The following LRRTM4 variants were observed in gnomAD, a reference collection of about 807,000 sequenced individuals.
LRRTM4 encodes leucine-rich repeat transmembrane neuronal protein 4.
A neutral mutation model predicts 47.6 loss-of-function variants in LRRTM4; 25 were observed. The observed-to-expected ratio is 0.53, with a 90% CI of 0.38 to 0.73. LRRTM4 has a LOEUF of 0.73. LRRTM4 is among the 30% of genes least tolerant of loss of function. LRRTM4 has a pLI of 0.00. For synonymous variants in LRRTM4, 311 were observed against 269.5 expected (o/e 1.15, Z -1.51); for missense variants, 638 against 713.4 (o/e 0.89, Z 1.20).
At chr2:76,885,512 G>T (rs1411878447) in intron 3 of LRRTM4, among the ~76,000 whole-genome samples, 1 of 148,908 alleles carries the variant, frequency 6.7e-6, no homozygotes, top group Non-Finnish European at 1.5e-5. Flanking sequence ...GCCCAGGCTG[G>T]AGTGCAGTGG....
chr2:76,750,545 G>A lies in LRRTM4; in HGVS notation c.1552-1629C>T, dbSNP rs140299466. Reference sequence around the variant, plus strand: ...TCAGTCTCCCGACTGGACTATGTTTGAATCCTTCTGTATCTAAAAGTGCAG... The same window carrying A: ...TCAGTCTCCCGACTGGACTATGTTTAAATCCTTCTGTATCTAAAAGTGCAG... On this transcript the variant is annotated intron_variant, in intron 3 of 3. Transcript: ENST00000409884. Among the ~76,000 whole-genome samples, 415 of 152,246 alleles carry A rather than the reference G, an allele frequency of 2.7e-3. 1 individual carries two copies. Among genetic ancestry groups the A allele is most frequent in the Non-Finnish European group, 4.2e-3 (286 of 68,014 alleles).
chr2:76,849,358 A>G (rs1044266318), intron 3 of LRRTM4, among the ~76,000 whole-genome samples: 10 of 152,238 alleles, frequency 6.6e-5, no homozygotes, highest in Middle Eastern at 3.4e-3. Context: ...TTCTTGAAAA[A>G]TGAAATTTCT....
intron 3 of LRRTM4, among the ~76,000 whole-genome samples, chr2:77,316,548 C>T (rs1677623207): frequency 7.1e-6 from 1 of 141,078 alleles, no homozygotes; most frequent in Non-Finnish European, 1.5e-5. Flanking sequence ...ATATAAATTG[C>T]TATCTTTTTT....
At chr2:77,040,475 AAGAG>A (rs904894435) in intron 3 of LRRTM4, among the ~76,000 whole-genome samples, 1 of 151,276 alleles carries the variant, frequency 6.6e-6, no homozygotes, top group Non-Finnish European at 1.5e-5. Flanking sequence ...AAATTTAGTA[AAGAG>A]AGAGAGAGAA....
At chr2:77,101,016 T>C (rs1424486488) in intron 3 of LRRTM4, among the ~76,000 whole-genome samples, 1 of 152,034 alleles carries the variant, frequency 6.6e-6, no homozygotes, top group Admixed American at 6.6e-5. Flanking sequence ...TTGTATTTTT[T>C]AGTAGAGACG....
At chr2:76,906,041 T>C (rs1403461739) in intron 3 of LRRTM4, among the ~76,000 whole-genome samples, 1 of 152,018 alleles carries the variant, frequency 6.6e-6, no homozygotes, top group African/African-American at 2.4e-5. Flanking sequence ...AGGCACATAA[T>C]TGTCAGATTC....
intron 3 of LRRTM4, among the ~76,000 whole-genome samples, chr2:76,765,409 C>A (rs373146309): frequency 2.6e-5 from 4 of 152,048 alleles, no homozygotes; most frequent in African/African-American, 9.7e-5. Context: ...GCAAACAGAA[C>A]GTAAAGTTTT....
chr2:77,173,566 A>G (rs1291103232), intron 3 of LRRTM4, among the ~76,000 whole-genome samples: 2 of 152,168 alleles, frequency 1.3e-5, no homozygotes, highest in Non-Finnish European at 2.9e-5. Context: ...AATTAAACCA[A>G]AAATCTACGT....
intron 3 of LRRTM4, among the ~76,000 whole-genome samples, chr2:76,994,286 A>C (rs1677118148): frequency 1.3e-5 from 2 of 151,954 alleles, no homozygotes; most frequent in African/African-American, 4.8e-5. Flanking sequence ...ATTATTTTAA[A>C]AATTATAAAA....
At chr2:77,460,611 A>T (rs1250298407) in intron 3 of LRRTM4, among the ~76,000 whole-genome samples, 1 of 152,200 alleles carries the variant, frequency 6.6e-6, no homozygotes, top group Non-Finnish European at 1.5e-5. Flanking sequence ...AATTATACAC[A>T]TGTAATAAGT....
intron 3 of LRRTM4, among the ~76,000 whole-genome samples, chr2:77,263,142 A>G (rs979813239): frequency 1.3e-5 from 2 of 152,056 alleles, no homozygotes; most frequent in African/African-American, 2.4e-5. Flanking sequence ...TAAAAACCCT[A>G]AAAGGATGGG....
intron 3 of LRRTM4, among the ~76,000 whole-genome samples, chr2:77,207,756 C>T (rs565654511): frequency 5.3e-5 from 8 of 149,650 alleles, no homozygotes; most frequent in African/African-American, 1.5e-4. Context: ...TGTTCCATCA[C>T]TTATTTCAAA....
chr2:76,977,740 CTGA>C (rs1375586196), intron 3 of LRRTM4, among the ~76,000 whole-genome samples: 1 of 152,020 alleles, frequency 6.6e-6, no homozygotes, highest in Admixed American at 6.6e-5. Context: ...TGGTTATCAA[CTGA>C]TGATTATTAT....
chr2:77,382,663 T>C (rs1365747228), intron 3 of LRRTM4, among the ~76,000 whole-genome samples: 2 of 152,138 alleles, frequency 1.3e-5, no homozygotes, highest in Non-Finnish European at 2.9e-5. Context: ...ACAGTGACGA[T>C]AAAATGACCT....
At chr2:76,959,921 T>C (rs967400268) in intron 3 of LRRTM4, among the ~76,000 whole-genome samples, 1 of 151,662 alleles carries the variant, frequency 6.6e-6, no homozygotes, top group Non-Finnish European at 1.5e-5. Flanking sequence ...TGCTGGTCAT[T>C]ATTAGTGGTA....
intron 3 of LRRTM4, among the ~76,000 whole-genome samples, chr2:77,475,592 A>AGAT (rs1677354562): frequency 6.6e-6 from 1 of 152,002 alleles, no homozygotes. Flanking sequence ...TGAATTACTC[A>AGAT]GATACACTTT....
At chr2:76,806,711 A>T (rs1378478255) in intron 3 of LRRTM4, among the ~76,000 whole-genome samples, 2 of 152,200 alleles carry the variant, frequency 1.3e-5, no homozygotes, top group Non-Finnish European at 2.9e-5. Flanking sequence ...CATAAAATTT[A>T]AAATCTACAT....
intron 3 of LRRTM4, among the ~76,000 whole-genome samples, chr2:76,790,122 T>G (rs551964541): frequency 1.3e-5 from 2 of 152,302 alleles, no homozygotes; most frequent in Admixed American, 1.3e-4. Flanking sequence ...GGTTTACTTT[T>G]AGAATTACCA....
chr2:77,024,340 G>A (rs760849190), intron 3 of LRRTM4, among the ~76,000 whole-genome samples: 6 of 152,056 alleles, frequency 3.9e-5, no homozygotes, highest in Non-Finnish European at 7.4e-5. Flanking sequence ...TACAGTATTT[G>A]TCCTTCTGTG....
Sources: allele counts gnomAD v4.1 joint callset (sites outside exome capture counted in the v4.1 genomes callset), GRCh38; gene constraint gnomAD v4.1.1; transcripts MANE v1.5; gene names NCBI Gene and HGNC (gene_info 2026-07-23, HGNC 2026-07-21).